The following RABGAP1L variants were observed in gnomAD, a reference collection of about 807,000 sequenced individuals.
RABGAP1L encodes rab GTPase-activating protein 1-like.
Under a neutral mutation model 137.7 loss-of-function variants are expected in RABGAP1L, and 63 were observed. The ratio of observed to expected loss-of-function variants is 0.46; its 90% CI spans 0.37 to 0.56. The LOEUF is 0.56. RABGAP1L is among the 20% of genes least tolerant of loss of function. The pLI is 0.00. For synonymous variants in RABGAP1L, 431 were observed against 433.7 expected, an observed-to-expected ratio of 0.99 and a Z score of 0.08; for missense variants, 1,095 against 1,244.0, an observed-to-expected ratio of 0.88 and a Z score of 1.80.
chr1:174,206,083 T>G (rs1287696964), intron 1 of RABGAP1L, among the ~76,000 whole-genome samples: 4 of 152,178 alleles, frequency 2.6e-5, no homozygotes, highest in African/African-American at 9.6e-5. Flanking sequence ...GGCTGGTCAC[T>G]AGTCCAAAAA....
intron 13 of RABGAP1L, among the ~76,000 whole-genome samples, chr1:174,544,286 G>A (rs899212320): frequency 3.3e-5 from 5 of 152,028 alleles, no homozygotes; most frequent in Admixed American, 6.6e-5. Flanking sequence ...TGGAGGCTTT[G>A]TTCATTTCTT....
intron 18 of RABGAP1L, among the ~76,000 whole-genome samples, chr1:174,793,705 T>C (rs1195392652): frequency 1.3e-5 from 2 of 152,130 alleles, no homozygotes; most frequent in African/African-American, 2.4e-5. Context: ...TCAAGACTTT[T>C]TTTTTTTTGA....
At chr1:174,800,288 G>T in intron 18 of RABGAP1L, 1 of 1,530,058 alleles carries the variant, frequency 6.5e-7, no homozygotes, top group Non-Finnish European at 8.8e-7. Context: ...TAATATTGTG[G>T]ATAAGAGATC....
At chr1:174,276,032 T>C (rs1674970167) in intron 9 of RABGAP1L, 97 bp downstream of exon 9, 1 of 835,560 alleles carries the variant, frequency 1.2e-6, no homozygotes, top group African/African-American at 1.7e-5. Flanking sequence ...GAACTCAAAG[T>C]GGACTTATTC....
intron 5 of RABGAP1L, among the ~76,000 whole-genome samples, chr1:174,249,747 A>T (rs1237026752): frequency 6.6e-6 from 1 of 151,774 alleles, no homozygotes; most frequent in Non-Finnish European, 1.5e-5. Context: ...GGTTCAAGCA[A>T]TTCTCCTGCT....
At chr1:174,248,746 G>C (rs1672471643) in intron 5 of RABGAP1L, among the ~76,000 whole-genome samples, 1 of 152,148 alleles carries the variant, frequency 6.6e-6, no homozygotes, top group African/African-American at 2.4e-5. Flanking sequence ...AGACTCTTCT[G>C]TTATAGGGAG....
At chr1:174,982,747 C>G (rs1006420447) in intron 23 of RABGAP1L, 87 bp from the exon 24 acceptor site, 1 of 1,279,384 alleles carries the variant, frequency 7.8e-7, no homozygotes, top group Admixed American at 2.0e-5. Flanking sequence ...GATGTGCTAG[C>G]ATAACACATG....
chr1:174,375,127 ATTAT>A (rs1685413324), intron 12 of RABGAP1L, among the ~76,000 whole-genome samples: 2 of 152,092 alleles, frequency 1.3e-5, no homozygotes, highest in African/African-American at 4.8e-5. Flanking sequence ...TTGATTTTAA[ATTAT>A]TTATTCATTA....
At chr1:174,696,360 A>G (rs964396655) in intron 15 of RABGAP1L, among the ~76,000 whole-genome samples, 2 of 151,944 alleles carry the variant, frequency 1.3e-5, no homozygotes, top group Non-Finnish European at 2.9e-5. Flanking sequence ...AAGGGGTGTA[A>G]GTATAGCCAC....
chr1:174,275,802 T>TAC lies in RABGAP1L; in HGVS notation c.1054-31_1054-30insAC. On this transcript the variant is annotated intron_variant, in intron 8 of 25. Coordinates refer to ENST00000681986, the MANE Select transcript of RABGAP1L (RefSeq NM_001366446.1). Reference sequence around the variant, plus strand: ...AAAGTAGTGATTTTTTTGATGTCTTTTATCAGTAATTACTGTTTGAATTTT... The same window carrying TAC: ...AAAGTAGTGATTTTTTTGATGTCTTTACTATCAGTAATTACTGTTTGAATTTT... The TAC allele has an allele frequency of 2.0e-6, 3 of 1,514,162 alleles. No homozygotes were observed. The South Asian group carries it at 3.6e-5, about 18-fold the overall frequency. 93.8% of individuals were successfully genotyped at this position (1,514,162 alleles called of 1,614,324 possible).
chr1:174,891,193 T>G (rs1656080669), intron 19 of RABGAP1L, among the ~76,000 whole-genome samples: 1 of 152,262 alleles, frequency 6.6e-6, no homozygotes, highest in Non-Finnish European at 1.5e-5. Context: ...GGGAAAGATG[T>G]TCCAGGCAGA....
chr1:174,292,163 G>C (rs565859465), intron 10 of RABGAP1L, among the ~76,000 whole-genome samples: 1 of 150,100 alleles, frequency 6.7e-6, no homozygotes, highest in Non-Finnish European at 1.5e-5. Flanking sequence ...TCTGCCTCCT[G>C]AGTAGCTAGG....
intron 19 of RABGAP1L, among the ~76,000 whole-genome samples, chr1:174,903,967 A>G (rs1558213623): frequency 6.6e-6 from 1 of 151,424 alleles, no homozygotes; most frequent in Non-Finnish European, 1.5e-5. Context: ...AAAAAAAAAA[A>G]AAAAAATTCC....
intron 13 of RABGAP1L, among the ~76,000 whole-genome samples, chr1:174,584,138 G>T (rs10489263): frequency 0.044 from 6,771 of 152,172 alleles, 506 homozygotes; most frequent in African/African-American, 0.15. Flanking sequence ...GATAGCCTAA[G>T]CCTTTATGCA....
At chr1:174,923,053 C>T (rs1392136091) in intron 19 of RABGAP1L, among the ~76,000 whole-genome samples, 1 of 151,730 alleles carries the variant, frequency 6.6e-6, no homozygotes, top group Non-Finnish European at 1.5e-5. Flanking sequence ...TGCCTGTGGT[C>T]CCAGCTACTT....
chr1:174,438,752 A>ATATATATATATATATATG (rs1404839872), intron 13 of RABGAP1L, among the ~76,000 whole-genome samples: 6 of 121,126 alleles, frequency 5.0e-5, no homozygotes, highest in African/African-American at 2.4e-4. Context: ...GTGTATATAT[A>ATATATATATATATATATG]TATATATATA....
chr1:174,578,626 G>GCA (rs1557865583), intron 13 of RABGAP1L, among the ~76,000 whole-genome samples: 11 of 152,044 alleles, frequency 7.2e-5, no homozygotes, highest in Non-Finnish European at 1.3e-4. Flanking sequence ...TTTGTGAAGA[G>GCA]GTTAATTTTA....
At chr1:174,748,363 A>G (rs1684051606) in intron 17 of RABGAP1L, among the ~76,000 whole-genome samples, 1 of 152,230 alleles carries the variant, frequency 6.6e-6, no homozygotes, top group Non-Finnish European at 1.5e-5. Context: ...CTGTGTGAGA[A>G]TATCTCACAC....
intron 1 of RABGAP1L, among the ~76,000 whole-genome samples, chr1:174,195,775 C>CTCT (rs1558022015): frequency 4.9e-5 from 5 of 102,478 alleles, no homozygotes; most frequent in African/African-American, 1.5e-4. Context: ...TTCTCTCTTT[C>CTCT]CTTTCTTTCT....
Sources: allele counts gnomAD v4.1 joint callset (sites outside exome capture counted in the v4.1 genomes callset), GRCh38; gene constraint gnomAD v4.1.1; transcripts MANE v1.5; gene names NCBI Gene and HGNC (gene_info 2026-07-23, HGNC 2026-07-21).